LRP5: variants seen among roughly 807,000 people sequenced by gnomAD.
The protein encoded by LRP5 is low-density lipoprotein receptor-related protein 5.
A neutral mutation model predicts 154.1 loss-of-function variants in LRP5; 62 were observed. The observed-to-expected ratio is 0.40, with a 90% CI of 0.33 to 0.50. The LOEUF is 0.50. Among genes scored for constraint, LRP5 ranks in the 20% least tolerant of loss-of-function variants. The pLI is 0.55. For synonymous variants in LRP5, 966 were observed against 1,011.5 expected (o/e 0.96, Z 0.85); for missense variants, 1,915 against 2,336.7 (o/e 0.82, Z 3.72).
intron 1 of LRP5, among the ~76,000 whole-genome samples, chr11:68,341,412 C>G: frequency 6.6e-6 from 1 of 152,062 alleles, no homozygotes; most frequent in East Asian, 1.9e-4. Context: ...CCTGTGCATC[C>G]CTCATCGCCC....
intron 21 of LRP5, among the ~76,000 whole-genome samples, chr11:68,444,976 G>A (rs2098680624): frequency 6.6e-6 from 1 of 152,204 alleles, no homozygotes; most frequent in East Asian, 1.9e-4. Context: ...GCCCAGTGCG[G>A]CTTCCTAAAG....
chr11:68,312,870 G>T, intron 1 of LRP5, 65 bp downstream of exon 1: 1 of 902,072 alleles, frequency 1.1e-6, no homozygotes, highest in Non-Finnish European at 1.3e-6. Context: ...CGGCCCCGCG[G>T]CCAAGTGCGC....
At chr11:68,334,746 A>T (rs1364517254) in intron 1 of LRP5, among the ~76,000 whole-genome samples, 1 of 152,012 alleles carries the variant, frequency 6.6e-6, no homozygotes, top group Non-Finnish European at 1.5e-5. Context: ...GTGGGGGCAC[A>T]CCTGTAATCC....
rs188061009 is a variant in LRP5, at chr11:68,423,431, C to T, written c.3028-58C>T. ...GGTCTCCGCCAGTGCCAGGGGTCTC[C>T]GCCAGTGCCCAGGGGTCTCCGCCAG... On this transcript the variant is annotated intron_variant, in intron 13 of 22. Transcript: ENST00000294304. The surrounding 1 kb of genome is among the most constrained non-coding windows in gnomAD (Gnocchi z 4.7). 6.7e-5 allele frequency: 102 copies of T among 1,533,452 alleles called. No homozygotes were observed. Among genetic ancestry groups the T allele is most frequent in the South Asian group, 1.0e-4 (9 of 89,336 alleles). The allele number at this position is 1,533,452 out of a possible 1,614,324, so 95.0% of individuals were successfully genotyped here. A position where few individuals can be genotyped will look rare whatever the true frequency, so the allele number is the denominator to read the frequency against.
chr11:68,354,767 G>A (rs2098621761), intron 2 of LRP5, among the ~76,000 whole-genome samples: 1 of 152,242 alleles, frequency 6.6e-6, no homozygotes, highest in Non-Finnish European at 1.5e-5. Flanking sequence ...GAACAGGCCA[G>A]CCTTTCGGGG....
chr11:68,408,165 TC>T (rs1228206888), intron 9 of LRP5, among the ~76,000 whole-genome samples: 1 of 151,586 alleles, frequency 6.6e-6, no homozygotes, highest in Non-Finnish European at 1.5e-5. Context: ...AGCCTCGACC[TC>T]CTGGGCTCTA....
the LRP5 span, among the ~76,000 whole-genome samples, chr11:68,304,871 T>C: frequency 9.8e-5 from 15 of 152,334 alleles, no homozygotes; most frequent in East Asian, 2.7e-3. Flanking sequence ...TATGCCCCCA[T>C]TGTATCTCAG....
upstream of LRP5, among the ~76,000 whole-genome samples, chr11:68,308,278 G>A (rs1176653956): frequency 3.9e-5 from 6 of 152,188 alleles, no homozygotes; most frequent in African/African-American, 9.7e-5. Context: ...TGTGCCCAGC[G>A]TAACTTCACA....
intron 2 of LRP5, among the ~76,000 whole-genome samples, chr11:68,350,351 T>C (rs2098617210): frequency 6.6e-6 from 1 of 152,218 alleles, no homozygotes; most frequent in African/African-American, 2.4e-5. Context: ...CTAGATCTTC[T>C]AGGTTAGAAA....
At chr11:68,424,970 A>G (rs2098667855) in intron 14 of LRP5, 132 bp from the exon 15 acceptor site, 2 of 705,712 alleles carry the variant, frequency 2.8e-6, no homozygotes, top group Admixed American at 4.3e-5. Flanking sequence ...ACTAGTATAG[A>G]ATGTGACCTG....
intron 1 of LRP5, among the ~76,000 whole-genome samples, chr11:68,336,320 A>G (rs1376780111): frequency 6.6e-6 from 1 of 152,240 alleles, no homozygotes; most frequent in Non-Finnish European, 1.5e-5. Context: ...TTGAACGTCA[A>G]AATGTTGTGT....
chr11:68,317,607 GC>G (rs1712047617), intron 1 of LRP5, among the ~76,000 whole-genome samples: 1 of 152,220 alleles, frequency 6.6e-6, no homozygotes, highest in South Asian at 2.1e-4. Context: ...AGAGGCATGC[GC>G]ATACGCGCTG....
Position 68,411,420 on chromosome 11 carries a change from C to G in LRP5, c.2319-16C>G, listed in dbSNP as rs376247234. The G allele has an allele frequency of 6.2e-7, 1 of 1,609,150 alleles. No individual in the cohort carries two copies. Among genetic ancestry groups the G allele is most frequent in the Admixed American group, 1.7e-5 (1 of 60,020 alleles). Reference sequence around the variant, plus strand: ...GCAGACTCACTGAGCCTGCCCTTCTCCCTTGTGCCTTCCAGCTACATCTAC... The same window carrying G: ...GCAGACTCACTGAGCCTGCCCTTCTGCCTTGTGCCTTCCAGCTACATCTAC... On this transcript the variant is annotated splice_polypyrimidine_tract_variant and intron_variant, in intron 10 of 22. Transcript: ENST00000294304.
intron 5 of LRP5, among the ~76,000 whole-genome samples, chr11:68,369,020 T>A (rs2098632649): frequency 6.6e-6 from 1 of 152,088 alleles, no homozygotes; most frequent in South Asian, 2.1e-4. Context: ...GTATGTTTAG[T>A]AGAGATGGGG....
chr11:68,439,998 C>G, intron 21 of LRP5, 82 bp downstream of exon 21: 1 of 1,343,954 alleles, frequency 7.4e-7, no homozygotes, highest in Non-Finnish European at 9.9e-7. Flanking sequence ...CCGGAGGCTT[C>G]CCGGGTTCCT....
chr11:68,427,955 ATTTTATTTTATTTTATTTT>A (rs1379776672), intron 16 of LRP5, among the ~76,000 whole-genome samples: 35 of 75,368 alleles, frequency 4.6e-4, no homozygotes, highest in South Asian at 8.9e-4. Flanking sequence ...ATTTTATTTT[ATTTTATTTTATTTTATTTT>A]TTTTATTTAT....
At chr11:68,420,616 A>T (rs1427322230) in intron 13 of LRP5, among the ~76,000 whole-genome samples, 1 of 151,884 alleles carries the variant, frequency 6.6e-6, no homozygotes, top group African/African-American at 2.4e-5. Context: ...AGGCAGGAGA[A>T]TCGCTTGTAC....
chr11:68,338,603 C>A (rs1375684497), intron 1 of LRP5, among the ~76,000 whole-genome samples: 1 of 152,152 alleles, frequency 6.6e-6, no homozygotes, highest in Admixed American at 6.6e-5. Flanking sequence ...GAATCACCCC[C>A]TCACATTCTC....
Position 68,386,733 on chromosome 11 carries a change from G to GGCCTGGA in LRP5, c.1412+25_1412+31dup. 1 of 1,607,462 alleles carries GGCCTGGA rather than the reference G, an allele frequency of 6.2e-7. No individual in the cohort carries two copies. The highest frequency in any genetic ancestry group is 8.5e-7 in the Non-Finnish European group (1 of 1,177,056). ...ATGGGGTAAGACGGGCGGGGGCTGG[G>GGCCTGGA]GCCTGGAGCCAGGGCCAGGCCAAGC... is the stretch of plus-strand genomic sequence containing the variant. On this transcript the variant is annotated intron_variant, in intron 6 of 22. Coordinates refer to ENST00000294304, the MANE Select transcript of LRP5 (RefSeq NM_002335.4). This position sits in a 1 kb window ranked among gnomAD's most constrained non-coding sequence, Gnocchi z 7.9.
Sources: allele counts gnomAD v4.1 joint callset (sites outside exome capture counted in the v4.1 genomes callset), GRCh38; gene constraint gnomAD v4.1.1; non-coding constraint Gnocchi (gnomAD v3.1); transcripts MANE v1.5; gene names NCBI Gene and HGNC (gene_info 2026-07-23, HGNC 2026-07-21).